The following PPP2R2B variants were observed in gnomAD, a reference collection of about 807,000 sequenced individuals.
PPP2R2B encodes the protein serine/threonine-protein phosphatase 2A 55 kDa regulatory subunit B beta isoform.
A neutral mutation model predicts 46.0 loss-of-function variants in PPP2R2B; 5 were observed. That is an observed-to-expected ratio of 0.11 (90% CI 0.06 to 0.23). The LOEUF is 0.23. Among genes scored for constraint, PPP2R2B ranks in the 10% least tolerant of loss-of-function variants. The probability of loss-of-function intolerance (pLI) is 1.00; values close to 1 mark genes in which losing one functional copy is unlikely to be tolerated. For synonymous variants in PPP2R2B, 215 were observed against 206.7 expected (o/e 1.04, Z -0.34); for missense variants, 367 against 575.0 (o/e 0.64, Z 3.70).
intron 1 of PPP2R2B, among the ~76,000 whole-genome samples, chr5:146,992,629 C>A (rs1305960385): frequency 2.0e-5 from 3 of 152,130 alleles, no homozygotes; most frequent in Non-Finnish European, 4.4e-5. Flanking sequence ...GAGTGGAAAC[C>A]CAGCATCATC....
intron 5 of PPP2R2B, among the ~76,000 whole-genome samples, chr5:146,679,296 G>T (rs1777965694): frequency 4.8e-5 from 1 of 21,038 alleles, no homozygotes. Context: ...AATGGGGAAA[G>T]GATTCCCTAT....
At chr5:146,995,932 T>C (rs1580772873) in intron 1 of PPP2R2B, among the ~76,000 whole-genome samples, 1 of 152,214 alleles carries the variant, frequency 6.6e-6, no homozygotes, top group East Asian at 1.9e-4. Flanking sequence ...GCAATATAGA[T>C]ATGCCATGCT....
At chr5:146,640,740 C>T (rs931706247) in intron 6 of PPP2R2B, among the ~76,000 whole-genome samples, 49 of 152,132 alleles carry the variant, frequency 3.2e-4, no homozygotes, top group Admixed American at 1.7e-3. Context: ...TTTTTTCCCA[C>T]CTAAAAATAA....
intron 7 of PPP2R2B, among the ~76,000 whole-genome samples, chr5:146,603,035 C>G (rs974667087): frequency 1.3e-5 from 2 of 152,210 alleles, no homozygotes; most frequent in Admixed American, 1.3e-4. Flanking sequence ...CTGGAGTCAT[C>G]AATTCCTGCC....
chr5:146,772,383 C>CATATAT (rs33981708), intron 2 of PPP2R2B, among the ~76,000 whole-genome samples: 61 of 133,550 alleles, frequency 4.6e-4, no homozygotes, highest in South Asian at 9.9e-4. Context: ...ATAACTTGTG[C>CATATAT]ATATATATAT....
chr5:146,712,556 A>C (rs1317886028), intron 2 of PPP2R2B, among the ~76,000 whole-genome samples: 1 of 152,230 alleles, frequency 6.6e-6, no homozygotes, highest in African/African-American at 2.4e-5. Flanking sequence ...GTAGCAGTTT[A>C]GATAACAATG....
In PPP2R2B at chr5:146,834,467, T is replaced by C. The variant is rs117331126; in HGVS notation, c.70+43535A>G. Among the ~76,000 whole-genome samples, 34 of 152,372 alleles carry C rather than the reference T, an allele frequency of 2.2e-4. No individual in the cohort carries two copies. In the East Asian group the frequency reaches 5.4e-3, roughly 24 times the overall value. On this transcript the variant is annotated intron_variant, in intron 2 of 9. Coordinates refer to ENST00000394411, the MANE Select transcript of PPP2R2B (RefSeq NM_181675.4). The stretch of plus-strand genomic sequence containing the variant: ...AATGACTTTTGTTTTGGTTTAGCTA[T>C]AAATATTTCACTTGTCTCAACTCAT...
Position 146,680,451 on chromosome 5 carries a change from C to T in PPP2R2B, c.447+10677G>A, listed in dbSNP as rs372207203. On this transcript the variant is annotated intron_variant, in intron 5 of 9. Transcript: ENST00000394411. ...GGGAGATATACCTAATGCTAGATGA[C>T]GAGTTAGTGGGTGCAGCGCACCAGC... Among the ~76,000 whole-genome samples the T allele has an allele frequency of 1.7e-4, 25 of 151,100 alleles. 1 individual carries two copies. In the South Asian group the frequency reaches 2.7e-3, roughly 16 times the overall value.
chr5:147,052,736 C>T lies in PPP2R2B; in HGVS notation c.79+2929G>A, dbSNP rs118147970. 3.3e-4 allele frequency among the ~76,000 whole-genome samples: 50 copies of T among 152,122 alleles called. No homozygotes were observed. The East Asian group carries it at 5.8e-3, about 18-fold the overall frequency. Reference sequence around the variant, plus strand: ...GGCGGGGCTCAGAATATGCAGGCCCCGCTTGCCATGGAAACCATAGAGAGG... The same window carrying T: ...GGCGGGGCTCAGAATATGCAGGCCCTGCTTGCCATGGAAACCATAGAGAGG... On this transcript the variant is annotated intron_variant, in intron 1 of 8. Transcript: ENST00000336640.
At chr5:146,779,206 A>C (rs1755361590) in intron 2 of PPP2R2B, among the ~76,000 whole-genome samples, 1 of 152,194 alleles carries the variant, frequency 6.6e-6, no homozygotes, top group Admixed American at 6.5e-5. Context: ...AAATACAGTG[A>C]CACTTGAGTC....
At chr5:146,667,539 T>C (rs1172202184) in intron 5 of PPP2R2B, among the ~76,000 whole-genome samples, 2 of 151,796 alleles carry the variant, frequency 1.3e-5, no homozygotes, top group Non-Finnish European at 2.9e-5. Flanking sequence ...CTGGGCTCTT[T>C]AGATTTTAAG....
At chr5:146,958,609 C>T (rs1752025961) in intron 1 of PPP2R2B, among the ~76,000 whole-genome samples, 1 of 152,152 alleles carries the variant, frequency 6.6e-6, no homozygotes, top group South Asian at 2.1e-4. Context: ...CATTATTAAA[C>T]CTCATTTAGA....
At chr5:146,951,518 G>T (rs1020204557) in intron 1 of PPP2R2B, among the ~76,000 whole-genome samples, 2 of 151,730 alleles carry the variant, frequency 1.3e-5, no homozygotes, top group African/African-American at 4.8e-5. Flanking sequence ...CTCCCGACAG[G>T]TCCCTCCCAA....
chr5:146,622,341 G>A (rs1207581619), intron 7 of PPP2R2B, among the ~76,000 whole-genome samples: 1 of 152,160 alleles, frequency 6.6e-6, no homozygotes, highest in African/African-American at 2.4e-5. Context: ...ATCCAGTAAT[G>A]CATGTGCCAT....
chr5:147,001,373 A>G (rs544065400), intron 1 of PPP2R2B, among the ~76,000 whole-genome samples: 1 of 152,222 alleles, frequency 6.6e-6, no homozygotes, highest in African/African-American at 2.4e-5. Flanking sequence ...GAGATGATGA[A>G]CCCACCAGGA....
intron 1 of PPP2R2B, among the ~76,000 whole-genome samples, chr5:147,048,962 A>G (rs1424443247): frequency 6.6e-6 from 1 of 152,160 alleles, no homozygotes; most frequent in Non-Finnish European, 1.5e-5. Flanking sequence ...AGGACAGGCA[A>G]AAAACAAGTA....
intron 2 of PPP2R2B, among the ~76,000 whole-genome samples, chr5:146,736,981 A>T (rs1752573615): frequency 6.6e-6 from 1 of 152,244 alleles, no homozygotes; most frequent in African/African-American, 2.4e-5. Context: ...AAAATTAATC[A>T]TATATAGCAT....
intron 2 of PPP2R2B, among the ~76,000 whole-genome samples, chr5:146,733,708 G>GACACACACAC (rs1554130467): frequency 5.9e-5 from 9 of 151,746 alleles, no homozygotes; most frequent in East Asian, 3.9e-4. Context: ...ACCACACACA[G>GACACACACAC]ACACACACAC....
intron 5 of PPP2R2B, among the ~76,000 whole-genome samples, chr5:146,667,227 G>A (rs1777039629): frequency 6.6e-6 from 1 of 152,026 alleles, no homozygotes; most frequent in African/African-American, 2.4e-5. Context: ...TGAATGTAGT[G>A]ATTCTAGAAA....
Sources: gnomAD v4.1 joint callset for allele counts (sites outside exome capture counted in the v4.1 genomes callset) on GRCh38, gnomAD v4.1.1 for gene constraint, MANE v1.5 for transcripts, NCBI Gene and HGNC (gene_info 2026-07-23, HGNC 2026-07-21) for gene names.